Variants in SCN2A observed in about 807,000 individuals in gnomAD.
SCN2A encodes the protein sodium voltage-gated channel alpha subunit 2, also known as sodium channel protein type 2 subunit alpha.
SCN2A carries 20 observed loss-of-function variants against 188.7 expected under a neutral mutation model. The observed-to-expected ratio is 0.11, with a 90% CI of 0.07 to 0.15. SCN2A has a LOEUF of 0.15. SCN2A is among the 10% of genes least tolerant of loss of function. The pLI is 1.00. For synonymous variants in SCN2A, 804 were observed against 833.1 expected (o/e 0.97, Z 0.60); for missense variants, 1,278 against 2,445.0 (o/e 0.52, Z 10.07).
intron 1 of SCN2A, among the ~76,000 whole-genome samples, chr2:165,295,130 G>T (rs1238108032): frequency 6.6e-6 from 1 of 152,154 alleles, no homozygotes; most frequent in African/African-American, 2.4e-5. Context: ...CCCTTCCTGT[G>T]CAGCTTCCGA....
At chr2:165,360,345 GT>G (rs1553586823) in intron 17 of SCN2A, among the ~76,000 whole-genome samples, 2 of 151,866 alleles carry the variant, frequency 1.3e-5, no homozygotes, top group Non-Finnish European at 2.9e-5. Flanking sequence ...ATATTTAGTA[GT>G]ATTATTAAAG....
intron 10 of SCN2A, 25 bp downstream of exon 10, chr2:165,314,133 T>C (rs770633893): frequency 1.2e-6 from 2 of 1,602,748 alleles, no homozygotes; most frequent in African/African-American, 2.7e-5. Context: ...CATACGGTCC[T>C]TTGTTTTTCT....
chr2:165,318,847 C>T (rs527995364), intron 11 of SCN2A, among the ~76,000 whole-genome samples: 4 of 152,116 alleles, frequency 2.6e-5, no homozygotes, highest in South Asian at 2.1e-4. Flanking sequence ...ATAGCTAATT[C>T]GAAGTCCCTT....
intron 22 of SCN2A, among the ~76,000 whole-genome samples, chr2:165,376,033 A>G (rs534450875): frequency 6.6e-6 from 1 of 152,068 alleles, no homozygotes; most frequent in Non-Finnish European, 1.5e-5. Flanking sequence ...CAGAATGACA[A>G]TCACCAGGGG....
chr2:165,327,520 T>G (rs936672982), intron 13 of SCN2A: 1 of 168,426 alleles, frequency 5.9e-6, no homozygotes, highest in South Asian at 1.5e-4. Flanking sequence ...ATCTGAATAG[T>G]TAACATAATG....
At chr2:165,360,967 G>A (rs1700432242) in intron 17 of SCN2A, among the ~76,000 whole-genome samples, 1 of 151,864 alleles carries the variant, frequency 6.6e-6, no homozygotes, top group African/African-American at 2.4e-5. Flanking sequence ...GTTCTAATTG[G>A]TGACTATGTA....
chr2:165,341,179 C>T (rs1231345291), intron 14 of SCN2A, among the ~76,000 whole-genome samples: 2 of 152,132 alleles, frequency 1.3e-5, no homozygotes, highest in Admixed American at 6.5e-5. Context: ...CTGCAAGCTC[C>T]GACTCCCGGG....
Position 165,291,528 on chromosome 2 carries a change from C to CTTTTCTTTCTTTCTTTCTTT in SCN2A, c.-51-4245_-51-4244insTTTTCTTTCTTTCTTTCTTT, listed in dbSNP as rs1559340566. On this transcript the variant is annotated intron_variant, in intron 1 of 26. Transcript: ENST00000375437. The stretch of plus-strand genomic sequence containing the variant: ...CTTTCTTTCTTCCTCTCCTTTCTTT[C>CTTTTCTTTCTTTCTTTCTTT]CTTCCTTCCTTCCTTCCTTCCTTCC... Among the ~76,000 whole-genome samples the CTTTTCTTTCTTTCTTTCTTT allele has an allele frequency of 4.3e-4, 12 of 27,788 alleles. 1 individual carries two copies. The highest frequency in any genetic ancestry group is 1.9e-3 in the South Asian group (1 of 532). The allele number at this position is 27,788 out of a possible 152,430, so 18.2% of individuals were successfully genotyped here.
intron 13 of SCN2A, chr2:165,327,756 TTAA>T (rs1698438297): frequency 1.3e-5 from 2 of 152,230 alleles, no homozygotes; most frequent in South Asian, 4.1e-4. Context: ...CAGAAGACAG[TTAA>T]TAAATATTAT....
At chr2:165,307,032 T>A (rs1014197482) in intron 3 of SCN2A, among the ~76,000 whole-genome samples, 22 of 152,260 alleles carry the variant, frequency 1.4e-4, no homozygotes, top group Admixed American at 1.3e-3. Context: ...TTTTTTAATG[T>A]CAAGGAAAGT....
intron 15 of SCN2A, among the ~76,000 whole-genome samples, chr2:165,342,817 T>C (rs1388576305): frequency 1.3e-5 from 2 of 152,174 alleles, no homozygotes; most frequent in Non-Finnish European, 2.9e-5. Flanking sequence ...CCTTGGGACC[T>C]AGGATGAGCT....
intron 17 of SCN2A, among the ~76,000 whole-genome samples, chr2:165,357,945 GC>G (rs1434836472): frequency 1.3e-5 from 2 of 151,928 alleles, no homozygotes; most frequent in Non-Finnish European, 2.9e-5. Flanking sequence ...TACGTTCCTT[GC>G]CCTTCCATTG....
chr2:165,375,217 A>G (rs1382273079), intron 22 of SCN2A, among the ~76,000 whole-genome samples: 1 of 152,054 alleles, frequency 6.6e-6, no homozygotes, highest in Non-Finnish European at 1.5e-5. Flanking sequence ...TATGTGATCC[A>G]ACAATTCCAT....
At chr2:165,282,801 A>G (rs1176222236) in intron 1 of SCN2A, among the ~76,000 whole-genome samples, 1 of 152,200 alleles carries the variant, frequency 6.6e-6, no homozygotes. Context: ...TGATGGTGGC[A>G]ACTTGAACCA....
intron 25 of SCN2A, among the ~76,000 whole-genome samples, chr2:165,383,798 A>G (rs1478578812): frequency 6.6e-6 from 1 of 152,152 alleles, no homozygotes; most frequent in East Asian, 1.9e-4. Context: ...GCTTTGCACA[A>G]CTGGATAAAT....
chr2:165,323,158 C>T lies in SCN2A; in HGVS notation c.1674C>T (p.Ser558=), dbSNP rs776201749. The change falls in exon 12 of 27, where the codon TCC becomes TCT. Residue 558 remains serine, a splice_region_variant and synonymous_variant. Coordinates refer to ENST00000375437, the MANE Select transcript of SCN2A (RefSeq NM_001040142.2). The stretch of plus-strand genomic sequence containing the variant: ...GTTTCTTCTCTTGTTATTCATAGTC[C>T]TTACTGAGCATCCGTGGCTCCCTTT... ...YEKRFSSPHQ[S]LLSIRGSLFS... is the part of the protein sequence containing the mutation. 1.2e-6 allele frequency: 2 copies of T among 1,613,808 alleles called. No individual in the cohort carries two copies. Among genetic ancestry groups the T allele is most frequent in the Middle Eastern group, 3.3e-4 (2 of 6,084 alleles).
intron 24 of SCN2A, 42 bp from the exon 25 acceptor site, chr2:165,381,051 C>A: frequency 7.3e-7 from 1 of 1,370,490 alleles, no homozygotes; most frequent in East Asian, 2.4e-5. Context: ...TTATAGCCAG[C>A]AAAGAACACA....
At chr2:165,354,741 T>G (rs533258441) in intron 17 of SCN2A, 70 bp downstream of exon 17, 2 of 1,478,616 alleles carry the variant, frequency 1.4e-6, no homozygotes, top group Admixed American at 3.5e-5. Flanking sequence ...TCAGGTGTTT[T>G]TAAATTGCGT....
rs962116636 is a variant in SCN2A, at chr2:165,375,059, G to A, written c.4254+93G>A. The A allele has an allele frequency of 2.0e-5, 22 of 1,087,640 alleles. No individual in the cohort carries two copies. In the African/African-American group the frequency reaches 3.3e-4, roughly 16 times the overall value. 67.4% of individuals were successfully genotyped at this position (1,087,640 alleles called of 1,614,324 possible). ...AATGAGATATCCACCTGTTAGAATG[G>A]CTATTATCAAACAGATAAATGACAA... On this transcript the variant is annotated intron_variant, in intron 22 of 26. Transcript: ENST00000375437.
Sources: gnomAD v4.1 joint callset for allele counts (sites outside exome capture counted in the v4.1 genomes callset) on GRCh38, gnomAD v4.1.1 for gene constraint, MANE v1.5 for transcripts, NCBI Gene and HGNC (gene_info 2026-07-23, HGNC 2026-07-21) for gene names.